CD200R1: variants seen among roughly 807,000 people sequenced by gnomAD.
The protein encoded by CD200R1 is cell surface glycoprotein CD200 receptor 1.
Under a neutral mutation model 38.1 loss-of-function variants are expected in CD200R1, and 30 were observed. The ratio of observed to expected loss-of-function variants is 0.79; its 90% confidence interval spans 0.59 to 1.07. CD200R1 has a LOEUF of 1.07. CD200R1 is among the 50% of genes least tolerant of loss of function. The pLI, the probability that CD200R1 is intolerant of heterozygous loss-of-function variation, is 0.00. For synonymous variants in CD200R1, 128 were observed against 152.1 expected (o/e 0.84, Z 1.16); for missense variants, 372 against 415.4 (o/e 0.90, Z 0.91).
chr3:112,974,926 G>T lies in CD200R1; in HGVS notation c.-69C>A. 2 of 1,253,238 alleles carry T rather than the reference G, an allele frequency of 1.6e-6. No individual in the cohort carries two copies. The highest frequency in any genetic ancestry group is 2.3e-6 in the Non-Finnish European group (2 of 857,794). The allele number at this position is 1,253,238 out of a possible 1,614,324, so 77.6% of individuals were successfully genotyped here. A position where few individuals can be genotyped will look rare whatever the true frequency, so the allele number is the denominator to read the frequency against. On this transcript the variant is annotated 5_prime_UTR_variant, in exon 1 of 8. Coordinates refer to ENST00000308611, the MANE Select transcript of CD200R1 (RefSeq NM_138806.4). ...CACACAGGTACAGAAGGAACTGTGC[G>T]CATGGTGAGACCCTCTCTGGTCAAC...
At chr3:112,965,587 T>A (rs1576154453) in intron 1 of CD200R1, among the ~76,000 whole-genome samples, 1 of 151,968 alleles carries the variant, frequency 6.6e-6, no homozygotes, top group South Asian at 2.1e-4. Context: ...ATGATGAAAC[T>A]CCGTCTCTAC....
In CD200R1 at chr3:112,970,062, C is replaced by CA. The variant is rs551929428; in HGVS notation, c.67+4728dup. Reference sequence around the variant, plus strand: ...GCGTGGTGGTGCACACCTGTAGTCCCAGCTACTTGGGAGTCTGAAACAGGA... The same window carrying CA: ...GCGTGGTGGTGCACACCTGTAGTCCCAAGCTACTTGGGAGTCTGAAACAGGA... On this transcript the variant is annotated intron_variant, in intron 1 of 7. Coordinates refer to ENST00000308611, the MANE Select transcript of CD200R1 (RefSeq NM_138806.4). 4.9e-3 allele frequency among the ~76,000 whole-genome samples: 746 copies of CA among 152,026 alleles called. 6 individuals carry two copies. The highest frequency in any genetic ancestry group is 0.017 in the African/African-American group (691 of 41,454).
chr3:112,946,196 C>T (rs1289609437), intron 2 of CD200R1, among the ~76,000 whole-genome samples: 1 of 152,076 alleles, frequency 6.6e-6, no homozygotes, highest in Non-Finnish European at 1.5e-5. Flanking sequence ...TGCATATAAC[C>T]ACCTGTATTT....
intron 1 of CD200R1, among the ~76,000 whole-genome samples, chr3:112,973,078 G>A (rs1049435605): frequency 2.0e-5 from 3 of 152,282 alleles, no homozygotes; most frequent in Admixed American, 2.0e-4. Flanking sequence ...TTCAGAAATA[G>A]TTTTAAAATT....
intron 2 of CD200R1, among the ~76,000 whole-genome samples, chr3:112,946,921 T>G (rs1283885404): frequency 6.7e-6 from 1 of 149,840 alleles, no homozygotes; most frequent in African/African-American, 2.5e-5. Context: ...AACTGTGGTA[T>G]AGTCAAACAA....
At chr3:112,925,781 A>G (rs1411695123) in intron 5 of CD200R1, among the ~76,000 whole-genome samples, 1 of 152,118 alleles carries the variant, frequency 6.6e-6, no homozygotes, top group Non-Finnish European at 1.5e-5. Flanking sequence ...CTAAAAATAA[A>G]GTTATCTATA....
Position 112,935,896 on chromosome 3 carries a change from G to A in CD200R1, c.137-4725C>T, listed in dbSNP as rs536434781. Among the ~76,000 whole-genome samples the A allele has an allele frequency of 7.9e-5, 12 of 152,176 alleles. No homozygotes were observed. The South Asian group carries it at 2.5e-3, about 32-fold the overall frequency. On this transcript the variant is annotated intron_variant, in intron 2 of 7. Transcript: ENST00000308611. ...TTGCTGCACAGATCATTCCATCACC[G>A]AGGTATTAAGCCCAGCATCCATCAG... is the stretch of plus-strand genomic sequence containing the variant.
At chr3:112,926,193 G>A (rs533501018) in intron 5 of CD200R1, among the ~76,000 whole-genome samples, 6 of 152,134 alleles carry the variant, frequency 3.9e-5, no homozygotes, top group African/African-American at 1.2e-4. Flanking sequence ...TCTGACAAGC[G>A]TGCAAATCAA....
intron 2 of CD200R1, among the ~76,000 whole-genome samples, chr3:112,946,682 A>G (rs1008360412): frequency 3.3e-5 from 5 of 152,226 alleles, no homozygotes; most frequent in Admixed American, 6.5e-5. Context: ...CTTAATTGGT[A>G]GCAGGAATGC....
intron 2 of CD200R1, among the ~76,000 whole-genome samples, chr3:112,935,215 T>G (rs1463163803): frequency 6.6e-6 from 1 of 152,150 alleles, no homozygotes; most frequent in Non-Finnish European, 1.5e-5. Context: ...ACATTGGATC[T>G]AAACCACACC....
chr3:112,926,533 G>A (rs1159778270), intron 5 of CD200R1, among the ~76,000 whole-genome samples: 3 of 152,104 alleles, frequency 2.0e-5, no homozygotes, highest in Non-Finnish European at 4.4e-5. Context: ...GCTGTACATA[G>A]GAATTTGAAT....
At position 112,974,884 on chromosome 3, in the gene CD200R1, A is replaced by G; in HGVS notation, c.-27T>C. The G allele has an allele frequency of 6.3e-7, 1 of 1,595,680 alleles. No homozygotes were observed. The highest frequency in any genetic ancestry group is 2.2e-5 in the East Asian group (1 of 44,706). The stretch of plus-strand genomic sequence containing the variant: ...TCTGTTTTCTCTTTTTCTGCCCTTC[A>G]CTCAGTACTTTTCCTCCACACAGGT... On this transcript the variant is annotated 5_prime_UTR_variant, in exon 1 of 8. An upstream open reading frame in the 5' UTR loses its in-frame stop. Transcript: ENST00000308611.
At chr3:112,955,232 T>C (rs1214291707) in intron 1 of CD200R1, among the ~76,000 whole-genome samples, 1 of 152,160 alleles carries the variant, frequency 6.6e-6, no homozygotes, top group African/African-American at 2.4e-5. Flanking sequence ...GAATGTTCTG[T>C]GTATGTCTGG....
At chr3:112,969,621 C>A (rs532394402) in intron 1 of CD200R1, among the ~76,000 whole-genome samples, 8 of 152,274 alleles carry the variant, frequency 5.3e-5, no homozygotes, top group Admixed American at 2.6e-4. Flanking sequence ...CCATATCCAA[C>A]GACTGATTTA....
chr3:112,971,715 T>C (rs1933314173), intron 1 of CD200R1, among the ~76,000 whole-genome samples: 1 of 152,216 alleles, frequency 6.6e-6, no homozygotes, highest in African/African-American at 2.4e-5. Context: ...ACCCAGGTTC[T>C]TTAATTTAGC....
chr3:112,958,051 T>C (rs1191074117), intron 1 of CD200R1, among the ~76,000 whole-genome samples: 3 of 152,132 alleles, frequency 2.0e-5, no homozygotes, highest in Non-Finnish European at 2.9e-5. Flanking sequence ...TGTAAAATAA[T>C]GTAAACTACA....
rs1940185695 is a variant in CD200R1, at chr3:112,922,298, G to A, written c.*1379C>T. 6.6e-6 allele frequency: 1 copy of A among 151,834 alleles called. No individual in the cohort carries two copies. Among genetic ancestry groups the A allele is most frequent in the African/African-American group, 2.4e-5 (1 of 41,376 alleles). 9.4% of individuals were successfully genotyped at this position (151,834 alleles called of 1,614,324 possible). A position where few individuals can be genotyped will look rare whatever the true frequency, so the allele number is the denominator to read the frequency against. ...AAACTTCTCATGTTTTTTCTGCTAT[G>A]GAGCAAATAGACTTATGTTTTTAAT... On this transcript the variant is annotated 3_prime_UTR_variant, in exon 8 of 8. Coordinates refer to ENST00000308611, the MANE Select transcript of CD200R1 (RefSeq NM_138806.4).
At chr3:112,954,703 G>A (rs1576146977) in intron 1 of CD200R1, among the ~76,000 whole-genome samples, 1 of 152,200 alleles carries the variant, frequency 6.6e-6, no homozygotes, top group Non-Finnish European at 1.5e-5. Context: ...GTTACTAGAA[G>A]GTGGTGTACC....
rs1940182344 is a variant in CD200R1 at position 112,922,131 on chromosome 3, C to T, written c.*1546G>A. ...TTTACATCCAAAATAGACTAAAAGT[C>T]CCTTTGAGGACAAAATCCATAGTAA... On this transcript the variant is annotated 3_prime_UTR_variant, in exon 8 of 8. Coordinates refer to ENST00000308611, the MANE Select transcript of CD200R1 (RefSeq NM_138806.4). 6.6e-6 allele frequency: 1 copy of T among 151,888 alleles called. No homozygotes were observed. Among genetic ancestry groups the T allele is most frequent in the Admixed American group, 6.6e-5 (1 of 15,218 alleles). 9.4% of individuals were successfully genotyped at this position (151,888 alleles called of 1,614,324 possible). A position where few individuals can be genotyped will look rare whatever the true frequency, so the allele number is the denominator to read the frequency against.
Sources: gnomAD v4.1 joint callset for allele counts (sites outside exome capture counted in the v4.1 genomes callset) on GRCh38, gnomAD v4.1.1 for gene constraint, MANE v1.5 for transcripts, NCBI Gene and HGNC (gene_info 2026-07-23, HGNC 2026-07-21) for gene names.